The following ZNF468 variants were observed in gnomAD, a reference collection of about 807,000 sequenced individuals.
ZNF468 encodes the protein zinc finger protein ZNF468.
ZNF468 carries 8 observed loss-of-function variants against 7.2 expected under a neutral mutation model. The observed-to-expected ratio is 1.11, with a 90% confidence interval of 0.65 to 2.01. The LOEUF (loss-of-function observed/expected upper bound fraction) is 2.01. Among genes scored for constraint, ZNF468 ranks in the 30% most tolerant of loss-of-function variants. The probability of loss-of-function intolerance (pLI) is 0.00; values close to 1 mark genes in which losing one functional copy is unlikely to be tolerated. For synonymous variants in ZNF468, 218 were observed against 214.4 expected (o/e 1.02, Z -0.15); for missense variants, 608 against 626.5 (o/e 0.97, Z 0.31).
At chr19:52,851,475 C>T (rs888297955) in intron 2 of ZNF468, among the ~76,000 whole-genome samples, 25 of 151,730 alleles carry the variant, frequency 1.6e-4, no homozygotes, top group African/African-American at 4.8e-4. Context: ...TACTCAGGAG[C>T]CTGAGGCAGG....
chr19:52,840,846 A>G lies in ZNF468; in HGVS notation c.1448T>C (p.Ile483Thr). 1 of 1,594,766 alleles carries G rather than the reference A, an allele frequency of 6.3e-7. No individual in the cohort carries two copies. The highest frequency in any genetic ancestry group is 8.5e-7 in the Non-Finnish European group (1 of 1,171,370). The change falls in exon 4 of 4, where the codon ATA becomes ACA. Residue 483 changes from isoleucine (I) to threonine (T), a missense_variant. Physicochemically the swap from Ile to Thr is moderately conservative, Grantham distance 89 (BLOSUM62 -1). Transcript: ENST00000595646. ...TCCAGTATGAAGCCTACGATGGATT[A>G]TAAGCGATGATGTCTGACCGAAGGT... ...GKTFGQTSSL[I>T]IHRRLHTGEK...
At position 52,844,770 on chromosome 19, in the gene ZNF468, C is replaced by A. The variant is rs573235536; in HGVS notation, c.143-2619G>T. Among the ~76,000 whole-genome samples, 799 of 152,206 alleles carry A rather than the reference C, an allele frequency of 5.2e-3. 7 individuals carry two copies. The highest frequency in any genetic ancestry group is 0.018 in the African/African-American group (765 of 41,522). ...GCTAGGCTTGTCTCTAACTCCTGAC[C>A]TCAAGTGATCAACCTGTTGCAGCCT... On this transcript the variant is annotated intron_variant, in intron 3 of 3. Coordinates refer to ENST00000595646, the MANE Select transcript of ZNF468 (RefSeq NM_001008801.2).
chr19:52,838,491 C>A lies in ZNF468; in HGVS notation c.*2234G>T, dbSNP rs2063266453. On this transcript the variant is annotated 3_prime_UTR_variant, in exon 4 of 4. Transcript: ENST00000595646. ...ATTCAATCAATACTGGCTGTCCTAG[C>A]CAGAACAATGAAATAGCAAAAGAAA... is the stretch of plus-strand genomic sequence containing the variant. The A allele has an allele frequency of 6.6e-6, 1 of 152,022 alleles. No homozygotes were observed. Among genetic ancestry groups the A allele is most frequent in the South Asian group, 2.1e-4 (1 of 4,820 alleles). The allele number at this position is 152,022 out of a possible 1,614,324, so 9.4% of individuals were successfully genotyped here.
chr19:52,856,480 C>T (rs529143077), intron 1 of ZNF468, among the ~76,000 whole-genome samples: 5 of 45,054 alleles, frequency 1.1e-4, no homozygotes, highest in Admixed American at 9.7e-4. Context: ...CCCATCTATG[C>T]GCCTCCTCTG....
At position 52,838,353 on chromosome 19, in the gene ZNF468, C is replaced by T. The variant is rs2147718816; in HGVS notation, c.*2372G>A. ...AATAGATACAGAAGAAAATTTACCTCAGCAATACAAAGACCATCCATGAAA... is the reference window on the plus strand; with the variant it reads ...AATAGATACAGAAGAAAATTTACCTTAGCAATACAAAGACCATCCATGAAA... On this transcript the variant is annotated 3_prime_UTR_variant, in exon 4 of 4. Transcript: ENST00000595646. 6.6e-6 allele frequency: 1 copy of T among 152,294 alleles called. No homozygotes were observed. 9.4% of individuals were successfully genotyped at this position (152,294 alleles called of 1,614,324 possible). A position where few individuals can be genotyped will look rare whatever the true frequency, so the allele number is the denominator to read the frequency against.
chr19:52,842,575 C>T (rs2063313344), intron 3 of ZNF468, among the ~76,000 whole-genome samples: 1 of 98,108 alleles, frequency 1.0e-5, no homozygotes, highest in African/African-American at 4.9e-5. Flanking sequence ...AAATAATCCA[C>T]AACAAGCTCT....
intron 2 of ZNF468, among the ~76,000 whole-genome samples, chr19:52,850,698 G>C (rs921062105): frequency 3.3e-4 from 50 of 151,838 alleles, no homozygotes; most frequent in African/African-American, 1.2e-3. Context: ...AGGAGATCGA[G>C]ACCATCCTGG....
intron 2 of ZNF468, among the ~76,000 whole-genome samples, chr19:52,853,651 A>G (rs1370153312): frequency 6.6e-6 from 1 of 152,042 alleles, no homozygotes. Context: ...AGATCGCGCC[A>G]TTGCACTCCA....
Position 52,841,327 on chromosome 19 carries a change from C to T in ZNF468, c.967G>A (p.Gly323Arg), listed in dbSNP as rs1350303658. The change falls in exon 4 of 4, where the codon GGA (glycine) becomes AGA (arginine). Residue 323 changes from glycine (G) to arginine (R), a missense_variant. Coordinates refer to ENST00000595646, the MANE Select transcript of ZNF468 (RefSeq NM_001008801.2). Reference protein sequence around the residue: ...HLERHKRIHTGEKPYKCKVCD... With the variant: ...HLERHKRIHTREKPYKCKVCD... The stretch of plus-strand genomic sequence containing the variant: ...ACCTTACATTTGTATGGTTTCTCTC[C>T]AGTATGAATCCTCTTATGTCTTTCA... 6.2e-7 allele frequency: 1 copy of T among 1,613,922 alleles called. No individual in the cohort carries two copies. Among genetic ancestry groups the T allele is most frequent in the Non-Finnish European group, 8.5e-7 (1 of 1,179,970 alleles).
Position 52,842,094 on chromosome 19 carries a change from T to G in ZNF468, c.200A>C (p.Glu67Ala), listed in dbSNP as rs749691791. ...GTGCAATGTCCCTGTGTGGATCACT[T>G]CTGTATTGCCTTGCCCTGTTGACGA... ...TLSSTGQGNT[E>A]VIHTGTLHRQ... is the part of the protein sequence containing the mutation. The change falls in exon 4 of 4, where the codon GAA becomes GCA. Residue 67 changes from glutamate to alanine, a missense_variant. Glu to Ala is a moderately radical substitution (Grantham distance 107, BLOSUM62 -1). Transcript: ENST00000595646. The G allele has an allele frequency of 4.3e-6, 7 of 1,611,978 alleles. No homozygotes were observed. The South Asian group carries it at 7.7e-5, about 18-fold the overall frequency.
At position 52,839,989 on chromosome 19, in the gene ZNF468, A is replaced by C. The variant is rs980291696; in HGVS notation, c.*736T>G. 1.5e-6 allele frequency: 2 copies of C among 1,306,920 alleles called. No homozygotes were observed. The highest frequency in any genetic ancestry group is 2.0e-6 in the Non-Finnish European group (2 of 978,044). The allele number at this position is 1,306,920 out of a possible 1,614,324, so 81.0% of individuals were successfully genotyped here. A position where few individuals can be genotyped will look rare whatever the true frequency, so the allele number is the denominator to read the frequency against. On this transcript the variant is annotated 3_prime_UTR_variant, in exon 4 of 4. Coordinates refer to ENST00000595646, the MANE Select transcript of ZNF468 (RefSeq NM_001008801.2). Reference sequence around the variant, plus strand: ...TATACCATGGATTGCTTGATGGTGAATAAGTGGTGACTGCCCACTAAAGGG... The same window carrying C: ...TATACCATGGATTGCTTGATGGTGACTAAGTGGTGACTGCCCACTAAAGGG...
chr19:52,847,616 G>A (rs1247171713), intron 3 of ZNF468, among the ~76,000 whole-genome samples: 4 of 152,114 alleles, frequency 2.6e-5, no homozygotes, highest in Admixed American at 2.6e-4. Context: ...TCTGAGATAG[G>A]AGGAAAGCAC....
intron 1 of ZNF468, 51 bp from the exon 2 acceptor site, chr19:52,854,396 C>G: frequency 6.6e-7 from 1 of 1,524,620 alleles, no homozygotes; most frequent in Non-Finnish European, 9.0e-7. Context: ...ACACCCCCTC[C>G]CTTAACACAA....
chr19:52,854,091 G>A (rs769098452), intron 2 of ZNF468, 167 bp downstream of exon 2: 20 of 1,537,912 alleles, frequency 1.3e-5, no homozygotes, highest in Non-Finnish European at 1.7e-5. Flanking sequence ...ATGACACTGG[G>A]TCACGAGAGA....
Position 52,857,313 on chromosome 19 carries a change from C to A in ZNF468, c.-74+259G>T, listed in dbSNP as rs191222968. Among the ~76,000 whole-genome samples, 1,014 of 151,986 alleles carry A rather than the reference C, an allele frequency of 6.7e-3. 8 individuals are homozygous for A. Among genetic ancestry groups the A allele is most frequent in the African/African-American group, 0.018 (736 of 41,444 alleles). ...GAGCCGTGCGGAAGGAGTCAAAAAA[C>A]GGTTTTGAGCAGGAAAACTACGCGA... is the stretch of plus-strand genomic sequence containing the variant. On this transcript the variant is annotated intron_variant, in intron 1 of 3. Transcript: ENST00000595646.
intron 3 of ZNF468, among the ~76,000 whole-genome samples, chr19:52,842,352 C>CATTT (rs1199447313): frequency 2.0e-5 from 3 of 152,184 alleles, no homozygotes; most frequent in Admixed American, 2.0e-4. Flanking sequence ...TCTATGGAAG[C>CATTT]CTATTTCCAA....
In ZNF468 at chr19:52,839,822, T is replaced by C. The variant is rs2147721118; in HGVS notation, c.*903A>G. 2 of 533,202 alleles carry C rather than the reference T, an allele frequency of 3.8e-6. No homozygotes were observed. The highest frequency in any genetic ancestry group is 3.2e-5 in the South Asian group (2 of 63,026). 33.0% of individuals were successfully genotyped at this position (533,202 alleles called of 1,614,324 possible). A position where few individuals can be genotyped will look rare whatever the true frequency, so the allele number is the denominator to read the frequency against. Reference sequence around the variant, plus strand: ...CTCCAGCATGAGTTCACCAGTGAAATGCAAGGCATGAACGATGTCTGAAAA... The same window carrying C: ...CTCCAGCATGAGTTCACCAGTGAAACGCAAGGCATGAACGATGTCTGAAAA... On this transcript the variant is annotated 3_prime_UTR_variant, in exon 4 of 4. Coordinates refer to ENST00000595646, the MANE Select transcript of ZNF468 (RefSeq NM_001008801.2).
intron 1 of ZNF468, among the ~76,000 whole-genome samples, chr19:52,856,626 C>G (rs2063442135): frequency 6.8e-6 from 1 of 146,796 alleles, no homozygotes; most frequent in African/African-American, 2.5e-5. Flanking sequence ...TCTGTCTGAC[C>G]CGGCTCCACA....
chr19:52,840,409 G>T lies in ZNF468; in HGVS notation c.*316C>A. ...CTTATAATGAGTTTCTCTCCAGTGT[G>T]AATTCTAGTATGTTTTGCCAGATAT... On this transcript the variant is annotated 3_prime_UTR_variant, in exon 4 of 4. Transcript: ENST00000595646. 1.9e-6 allele frequency: 1 copy of T among 527,860 alleles called. No individual in the cohort carries two copies. Among genetic ancestry groups the T allele is most frequent in the Non-Finnish European group, 3.5e-6 (1 of 283,856 alleles). 32.7% of individuals were successfully genotyped at this position (527,860 alleles called of 1,614,324 possible).
Sources: gnomAD v4.1 joint callset for allele counts (sites outside exome capture counted in the v4.1 genomes callset) on GRCh38, gnomAD v4.1.1 for gene constraint, MANE v1.5 for transcripts, NCBI Gene and HGNC (gene_info 2026-07-23, HGNC 2026-07-21) for gene names.